Variants in WIPI1 observed in about 807,000 individuals in gnomAD.
WIPI1 encodes the protein WD repeat domain phosphoinositide-interacting protein 1.
A neutral mutation model predicts 55.3 loss-of-function variants in WIPI1; 45 were observed. The ratio of observed to expected loss-of-function variants is 0.81; its 90% confidence interval spans 0.64 to 1.04. The LOEUF is 1.04. WIPI1 is among the 50% of genes least tolerant of loss of function. The pLI is 0.00. For synonymous variants in WIPI1, 195 were observed against 217.6 expected, an observed-to-expected ratio of 0.90 and a Z score of 0.92; for missense variants, 445 against 559.0, an observed-to-expected ratio of 0.80 and a Z score of 2.06.
In WIPI1 at chr17:68,444,306, C is replaced by G. The variant is rs113565011; in HGVS notation, c.430+187G>C. ...ACTGCAATGAAGGGCACACAGCCCC[C>G]CTGCAGGACACACAGCCTGACATAA... On this transcript the variant is annotated intron_variant, in intron 4 of 12. Transcript: ENST00000262139. Among the ~76,000 whole-genome samples, 17 of 152,286 alleles carry G rather than the reference C, an allele frequency of 1.1e-4. 1 individual carries two copies. Among genetic ancestry groups the G allele is most frequent in the African/African-American group, 3.1e-4 (13 of 41,572 alleles).
chr17:68,440,156 G>A (rs1220043273), intron 4 of WIPI1, among the ~76,000 whole-genome samples: 1 of 152,114 alleles, frequency 6.6e-6, no homozygotes, highest in Non-Finnish European at 1.5e-5. Flanking sequence ...TTGCCTCCAG[G>A]CTCGCACCTC....
intron 8 of WIPI1, among the ~76,000 whole-genome samples, chr17:68,433,266 T>G (rs1221698671): frequency 6.6e-6 from 1 of 152,242 alleles, no homozygotes; most frequent in Non-Finnish European, 1.5e-5. Context: ...GGACGTGAAC[T>G]CACGTGGGTG....
rs772945783 is a variant in WIPI1, at chr17:68,433,496, T to C, written c.772A>G (p.Ile258Val). Residue 258 changes from isoleucine (I) to valine (V), a missense_variant, in exon 8 of 13, where the codon ATC becomes GTC. By Grantham distance (29) the Ile-to-Val change is conservative. Transcript: ENST00000262139. Reference sequence around the variant, plus strand: ...TTGGTGACCTGTTCCAGCTTGAAGATGTGTACCGTCTCGGTGTTACTGGAG... The same window carrying C: ...TTGGTGACCTGTTCCAGCTTGAAGACGTGTACCGTCTCGGTGTTACTGGAG... The part of the protein sequence containing the change: ...CASSNTETVH[I>V]FKLEQVTNSR... The C allele has an allele frequency of 2.5e-6, 4 of 1,613,992 alleles. No individual in the cohort carries two copies. Among genetic ancestry groups the C allele is most frequent in the Admixed American group, 3.3e-5 (2 of 59,994 alleles).
chr17:68,456,240 G>A (rs1213492413), intron 1 of WIPI1, among the ~76,000 whole-genome samples: 3 of 152,154 alleles, frequency 2.0e-5, no homozygotes, highest in Non-Finnish European at 4.4e-5. Context: ...TCAAACAAAG[G>A]CATATTGTTC....
At chr17:68,438,373 A>C (rs1456112806) in intron 4 of WIPI1, among the ~76,000 whole-genome samples, 3 of 152,200 alleles carry the variant, frequency 2.0e-5, no homozygotes, top group Non-Finnish European at 2.9e-5. Flanking sequence ...TTGCTATCCA[A>C]ATGAAATTTC....
chr17:68,444,757 G>C (rs1394678164), intron 3 of WIPI1, among the ~76,000 whole-genome samples, 168 bp from the exon 4 acceptor site: 1 of 152,100 alleles, frequency 6.6e-6, no homozygotes, highest in Non-Finnish European at 1.5e-5. Context: ...ACATACACAT[G>C]TAATCATCCA....
chr17:68,451,687 G>A (rs2084505573), intron 2 of WIPI1, among the ~76,000 whole-genome samples: 1 of 152,128 alleles, frequency 6.6e-6, no homozygotes, highest in Non-Finnish European at 1.5e-5. Context: ...TGCCAATATG[G>A]GAGGGGACAG....
In WIPI1 at chr17:68,450,826, TTG is replaced by T. The variant is rs2084471657; in HGVS notation, c.233_234del (p.Thr78LysfsTer18). 6.2e-7 allele frequency: 1 copy of T among 1,614,190 alleles called. No individual in the cohort carries two copies. The highest frequency in any genetic ancestry group is 8.5e-7 in the Non-Finnish European group (1 of 1,180,020). On this transcript the variant is annotated frameshift_variant, in exon 3 of 13. Coordinates refer to ENST00000262139, the MANE Select transcript of WIPI1 (RefSeq NM_017983.7). LOFTEE classifies it high-confidence loss of function. ...TGATACACGTTCATCTGCCGTGGTT[TTG>T]TGTGACTGACTACCACCACCAGGCT... ...SSSLVVVVSHTKPRQMNVYHF... is the reference protein window; with the variant it reads ...SSSLVVVVSHXKPRQMNVYHF...
At chr17:68,440,571 CCA>C (rs1371919215) in intron 4 of WIPI1, 1 of 152,200 alleles carries the variant, frequency 6.6e-6, no homozygotes, top group Non-Finnish European at 1.5e-5. Flanking sequence ...ATATTTTCTT[CCA>C]GTCTTTTTTC....
intron 3 of WIPI1, among the ~76,000 whole-genome samples, chr17:68,450,163 C>A (rs75910195): frequency 6.6e-6 from 1 of 151,778 alleles, no homozygotes. Flanking sequence ...GAAAATGCTA[C>A]AAAAAAAACA....
At chr17:68,445,804 A>C (rs1356086866) in intron 3 of WIPI1, among the ~76,000 whole-genome samples, 1 of 152,166 alleles carries the variant, frequency 6.6e-6, no homozygotes, top group African/African-American at 2.4e-5. Context: ...CGCACATCTG[A>C]GCAGCTGCCG....
chr17:68,427,344 G>GTGC, intron 10 of WIPI1, 91 bp from the exon 11 acceptor site: 1 of 962,004 alleles, frequency 1.0e-6, no homozygotes, highest in Non-Finnish European at 1.6e-6. Context: ...AGAAGCCTGT[G>GTGC]CTCAGCTCTG....
rs550174960 is a variant in WIPI1, at chr17:68,423,047, C to T, written c.1294-1227G>A. Among the ~76,000 whole-genome samples, 12 of 152,204 alleles carry T rather than the reference C, an allele frequency of 7.9e-5. No individual in the cohort carries two copies. The highest frequency in any genetic ancestry group is 4.1e-4 in the South Asian group (2 of 4,824). ...GTGATGACCCGCGTTCTTAAGGCAG[C>T]GGCTCACAGAGCTCCTGTAGCAGAC... On this transcript the variant is annotated intron_variant, in intron 12 of 12. Coordinates refer to ENST00000262139, the MANE Select transcript of WIPI1 (RefSeq NM_017983.7). The surrounding 1 kb of genome is among the most constrained non-coding windows in gnomAD (Gnocchi z 4.4).
At chr17:68,425,059 T>G (rs188242444) in intron 12 of WIPI1, among the ~76,000 whole-genome samples, 137 of 152,220 alleles carry the variant, frequency 9.0e-4, no homozygotes, top group African/African-American at 3.2e-3. Flanking sequence ...CAGTTCCAGG[T>G]GATGGAAGAA....
At chr17:68,421,882 T>G in intron 12 of WIPI1, 62 bp from the exon 13 acceptor site, 1 of 1,606,170 alleles carries the variant, frequency 6.2e-7, no homozygotes, top group Non-Finnish European at 8.5e-7. Context: ...GGCAGGTGCA[T>G]TATCAACAGG....
At position 68,426,140 on chromosome 17, in the gene WIPI1, CTT is replaced by C; in HGVS notation, c.1226_1227del (p.Glu409GlyfsTer4). 6.2e-7 allele frequency: 1 copy of C among 1,612,190 alleles called. No individual in the cohort carries two copies. The highest frequency in any genetic ancestry group is 2.1e-4 in the Middle Eastern group (1 of 4,690). On this transcript the variant is annotated frameshift_variant, in exon 12 of 13. Transcript: ENST00000262139. LOFTEE classifies it high-confidence loss of function. Reference protein sequence around the residue: ...YSEDGGALRGEVIPEHEFATG... With the variant: ...YSEDGGALRGXVIPEHEFATG... ...GTCGCAAACTCATGTTCAGGAATAA[CTT>C]CTCCTCGCAGCGCCCCGCCGTCCTC...
chr17:68,421,602 G>A lies in WIPI1; in HGVS notation c.*171C>T, dbSNP rs1035969011. On this transcript the variant is annotated 3_prime_UTR_variant, in exon 13 of 13. Transcript: ENST00000262139. ...CCCGCGCCCATTGGCAACCAGGGTC[G>A]TGGGAAGCTTGGTGAGGAGTTAACC... is the stretch of plus-strand genomic sequence containing the variant. The A allele has an allele frequency of 6.1e-5, 51 of 832,682 alleles. No homozygotes were observed. Among genetic ancestry groups the A allele is most frequent in the Middle Eastern group, 3.2e-4 (1 of 3,106 alleles). 51.6% of individuals were successfully genotyped at this position (832,682 alleles called of 1,614,324 possible). A position where few individuals can be genotyped will look rare whatever the true frequency, so the allele number is the denominator to read the frequency against.
intron 3 of WIPI1, among the ~76,000 whole-genome samples, chr17:68,448,825 A>C (rs2084385586): frequency 6.6e-6 from 1 of 152,354 alleles, no homozygotes; most frequent in East Asian, 1.9e-4. Flanking sequence ...AAAACACCTG[A>C]GTCAAGAATT....
At chr17:68,434,259 CA>C (rs535477613) in intron 7 of WIPI1, among the ~76,000 whole-genome samples, 61 of 152,252 alleles carry the variant, frequency 4.0e-4, no homozygotes, top group African/African-American at 1.3e-3. Context: ...GGAAGGAAAT[CA>C]GAAATTATTT....
Sources: gnomAD v4.1 joint callset for allele counts (sites outside exome capture counted in the v4.1 genomes callset) on GRCh38, gnomAD v4.1.1 for gene constraint, Gnocchi (gnomAD v3.1) non-coding constraint, MANE v1.5 for transcripts, NCBI Gene and HGNC (gene_info 2026-07-23, HGNC 2026-07-21) for gene names.